LPP: variants seen among roughly 807,000 people sequenced by gnomAD.
The protein encoded by LPP is LIM domain containing preferred translocation partner in lipoma, also known as lipoma-preferred partner.
Under a neutral mutation model 60.4 loss-of-function variants are expected in LPP, and 38 were observed. The ratio of observed to expected loss-of-function variants is 0.63; its 90% CI spans 0.49 to 0.83. LPP has a LOEUF of 0.83. Ranked by LOEUF, LPP falls within the 40% of genes least tolerant of loss-of-function variation. The probability of loss-of-function intolerance (pLI) is 0.00; values close to 1 mark genes in which losing one functional copy is unlikely to be tolerated. For synonymous variants in LPP, 328 were observed against 290.8 expected, an observed-to-expected ratio of 1.13 and a Z score of -1.30; for missense variants, 902 against 783.6, an observed-to-expected ratio of 1.15 and a Z score of -1.80.
intron 3 of LPP, among the ~76,000 whole-genome samples, chr3:188,397,509 G>A (rs1028418186): frequency 2.6e-5 from 4 of 152,092 alleles, no homozygotes; most frequent in Non-Finnish European, 5.9e-5. Context: ...TGATCTTTCA[G>A]TGCTGTTGTT....
At chr3:188,354,531 T>C (rs939624853) in intron 3 of LPP, among the ~76,000 whole-genome samples, 4 of 152,184 alleles carry the variant, frequency 2.6e-5, no homozygotes, top group African/African-American at 9.6e-5. Context: ...AAGTTGATAT[T>C]GAGACTTGGG....
At chr3:188,438,116 T>C (rs892588994) in intron 4 of LPP, among the ~76,000 whole-genome samples, 1 of 152,094 alleles carries the variant, frequency 6.6e-6, no homozygotes, top group Admixed American at 6.6e-5. Context: ...TAATATCCTT[T>C]TGGACTGGAT....
chr3:188,863,535 A>G (rs1221581540), intron 9 of LPP, among the ~76,000 whole-genome samples: 1 of 152,142 alleles, frequency 6.6e-6, no homozygotes, highest in East Asian at 1.9e-4. Context: ...TCCTCCTGAC[A>G]CTGTGAGTTT....
rs1396777314 is a variant in LPP at position 188,361,333 on chromosome 3, G to A, written c.-10+19614G>A. ...ATAGGGGTCGTAGGGTGTTGTTATG[G>A]TTAAATTTATAAATCCTTAAAATTA... is the stretch of plus-strand genomic sequence containing the variant. On this transcript the variant is annotated intron_variant, in intron 3 of 11. Transcript: ENST00000617246. 2.6e-5 allele frequency among the ~76,000 whole-genome samples: 4 copies of A among 152,186 alleles called. No individual in the cohort carries two copies. The East Asian group carries it at 7.7e-4, about 29-fold the overall frequency.
At chr3:188,344,400 G>T (rs1763802850) in intron 3 of LPP, among the ~76,000 whole-genome samples, 1 of 152,158 alleles carries the variant, frequency 6.6e-6, no homozygotes, top group African/African-American at 2.4e-5. Flanking sequence ...GCAGTATGTT[G>T]TATGTTATGT....
rs1843351302 is a variant in LPP at position 188,609,982 on chromosome 3, G to A, written c.1113+138G>A. The stretch of plus-strand genomic sequence containing the variant: ...CAAATACAATCCCAGGGAAGGATGA[G>A]TGAAGCCAGAGAGGAGAGAGAGACT... On this transcript the variant is annotated intron_variant, in intron 7 of 11. Transcript: ENST00000617246. This position sits in a 1 kb window ranked among gnomAD's most constrained non-coding sequence, Gnocchi z 6.9. The A allele has an allele frequency of 1.2e-6, 1 of 829,164 alleles. No homozygotes were observed. Among genetic ancestry groups the A allele is most frequent in the Non-Finnish European group, 1.8e-6 (1 of 541,188 alleles). The allele number at this position is 829,164 out of a possible 1,614,324, so 51.4% of individuals were successfully genotyped here. A position where few individuals can be genotyped will look rare whatever the true frequency, so the allele number is the denominator to read the frequency against.
chr3:188,338,696 C>T (rs147935522), intron 2 of LPP, among the ~76,000 whole-genome samples: 13 of 152,218 alleles, frequency 8.5e-5, no homozygotes, highest in Non-Finnish European at 1.5e-4. Context: ...GAAAGAGGTA[C>T]CAGTTTATTG....
Position 188,874,528 on chromosome 3 carries a change from A to G in LPP, c.*49A>G. ...ACTGAGAAGAACGAACACAAGAAAA[A>G]GATAAGAAATACTAGAGTAAAGGCC... is the stretch of plus-strand genomic sequence containing the variant. On this transcript the variant is annotated 3_prime_UTR_variant, in exon 12 of 12. Transcript: ENST00000617246. The G allele has an allele frequency of 5.0e-6, 8 of 1,596,380 alleles. No homozygotes were observed. Among genetic ancestry groups the G allele is most frequent in the Non-Finnish European group, 6.9e-6 (8 of 1,166,898 alleles).
chr3:188,825,289 G>C (rs1447977227), intron 9 of LPP, among the ~76,000 whole-genome samples: 7 of 149,948 alleles, frequency 4.7e-5, no homozygotes, highest in African/African-American at 9.8e-5. Context: ...GTGTGTGTGT[G>C]TGTGTGTGTG....
chr3:188,379,067 C>A (rs893149203), intron 3 of LPP, among the ~76,000 whole-genome samples: 2 of 151,932 alleles, frequency 1.3e-5, no homozygotes, highest in African/African-American at 4.8e-5. Flanking sequence ...ACTAGCCAGG[C>A]CAAGATAAGG....
chr3:188,869,714 C>T (rs1027612333), intron 10 of LPP, among the ~76,000 whole-genome samples: 16 of 152,200 alleles, frequency 1.1e-4, no homozygotes, highest in Admixed American at 6.5e-4. Flanking sequence ...GGATTTCTGT[C>T]AAGCTCCCAG....
chr3:188,320,926 AAAGGT>A (rs1266209060), intron 2 of LPP, among the ~76,000 whole-genome samples: 8 of 152,212 alleles, frequency 5.3e-5, no homozygotes, highest in Admixed American at 1.3e-4. Flanking sequence ...AATCAGTAGA[AAAGGT>A]ATCCCAGTGG....
Position 188,590,431 on chromosome 3 carries a change from G to A in LPP, c.430-18730G>A, listed in dbSNP as rs193281241. ...CTACTAAAAAATACAAAAATTAGCC[G>A]GGCATAGTGGCACATGTTTGTAATC... On this transcript the variant is annotated intron_variant, in intron 6 of 11. Transcript: ENST00000617246. Among the ~76,000 whole-genome samples, 122 of 151,976 alleles carry A rather than the reference G, an allele frequency of 8.0e-4. 1 individual carries two copies. The East Asian group carries it at 0.012, about 15-fold the overall frequency.
At chr3:188,807,837 G>A (rs1749648517) in intron 9 of LPP, among the ~76,000 whole-genome samples, 1 of 152,056 alleles carries the variant, frequency 6.6e-6, no homozygotes, top group Non-Finnish European at 1.5e-5. Flanking sequence ...TCCAACATCT[G>A]TCTTATTTCT....
chr3:188,571,359 A>G (rs1002480390), intron 6 of LPP, among the ~76,000 whole-genome samples: 1 of 152,038 alleles, frequency 6.6e-6, no homozygotes, highest in African/African-American at 2.4e-5. Context: ...TGTTCACTGC[A>G]CTTACATCCC....
chr3:188,313,144 A>G (rs1198166016), intron 2 of LPP, among the ~76,000 whole-genome samples: 1 of 152,158 alleles, frequency 6.6e-6, no homozygotes. Context: ...AAAAAAGAAA[A>G]AAAAAAGAAT....
intron 4 of LPP, among the ~76,000 whole-genome samples, chr3:188,435,067 A>G (rs1791973254): frequency 6.6e-6 from 1 of 152,222 alleles, no homozygotes; most frequent in Non-Finnish European, 1.5e-5. Context: ...TTTGTTAAAC[A>G]CTACAGGTAG....
intron 6 of LPP, among the ~76,000 whole-genome samples, chr3:188,530,859 C>A (rs1174984679): frequency 2.0e-5 from 3 of 152,164 alleles, no homozygotes; most frequent in African/African-American, 7.2e-5. Context: ...ATTAGGTAGG[C>A]ATGATTTGTT....
At position 188,610,613 on chromosome 3, in the gene LPP, T is replaced by C. The variant is rs563859561; in HGVS notation, c.1113+769T>C. Among the ~76,000 whole-genome samples, 2 of 152,342 alleles carry C rather than the reference T, an allele frequency of 1.3e-5. No homozygotes were observed. Among genetic ancestry groups the C allele is most frequent in the South Asian group, 4.1e-4 (2 of 4,830 alleles). ...CTTATGAGTGACAGTTACTTCTTAT[T>C]TGATTTAATTGTCCATATGTGGACC... On this transcript the variant is annotated intron_variant, in intron 7 of 11. Coordinates refer to ENST00000617246, the MANE Select transcript of LPP (RefSeq NM_001375462.1). The surrounding 1 kb of genome is among the most constrained non-coding windows in gnomAD (Gnocchi z 4.4).
Sources: gnomAD v4.1 joint callset for allele counts (sites outside exome capture counted in the v4.1 genomes callset) on GRCh38, gnomAD v4.1.1 for gene constraint, Gnocchi (gnomAD v3.1) non-coding constraint, MANE v1.5 for transcripts, NCBI Gene and HGNC (gene_info 2026-07-23, HGNC 2026-07-21) for gene names.